TLE1: variants seen among roughly 807,000 people sequenced by gnomAD.
The protein encoded by TLE1 is transducin-like enhancer protein 1.
Under a neutral mutation model 89.8 loss-of-function variants are expected in TLE1, and 21 were observed. That is an observed-to-expected ratio of 0.23 (90% CI 0.17 to 0.34). The LOEUF is 0.34. Ranked by LOEUF, TLE1 falls within the 10% of genes least tolerant of loss-of-function variation. The pLI, the probability that TLE1 is intolerant of heterozygous loss-of-function variation, is 1.00. For missense variants in TLE1, 795 were observed against 1,031.2 expected (o/e 0.77, Z 3.14); for synonymous variants, 447 against 407.6 (o/e 1.10, Z -1.16).
chr9:81,586,987 A>G (rs1344237497), intron 17 of TLE1, among the ~76,000 whole-genome samples: 1 of 152,238 alleles, frequency 6.6e-6, no homozygotes, highest in African/African-American at 2.4e-5. Context: ...CCAAGTCATG[A>G]TCGAAAGAAC....
At chr9:81,604,455 G>A (rs774786665) in intron 14 of TLE1, among the ~76,000 whole-genome samples, 3 of 152,216 alleles carry the variant, frequency 2.0e-5, no homozygotes, top group African/African-American at 7.2e-5. Context: ...GCTGCCATGA[G>A]GATGATAGAT....
chr9:81,634,056 T>C, intron 7 of TLE1, 41 bp downstream of exon 7: 2 of 1,572,134 alleles, frequency 1.3e-6, no homozygotes, highest in Non-Finnish European at 1.7e-6. Flanking sequence ...ACTGTAAGAG[T>C]ATGAGGACAA....
chr9:81,653,367 A>G (rs1007230028), intron 5 of TLE1, among the ~76,000 whole-genome samples: 2 of 152,252 alleles, frequency 1.3e-5, no homozygotes, highest in African/African-American at 4.8e-5. Context: ...TTCAAGGCAA[A>G]GCTAAAATAC....
At chr9:81,602,519 A>G (rs1174216035) in intron 14 of TLE1, among the ~76,000 whole-genome samples, 1 of 152,224 alleles carries the variant, frequency 6.6e-6, no homozygotes, top group Non-Finnish European at 1.5e-5. Flanking sequence ...GGGATACCAA[A>G]TAAACTGTGT....
intron 6 of TLE1, among the ~76,000 whole-genome samples, chr9:81,641,732 A>ATTT (rs1796250078): frequency 6.6e-6 from 1 of 152,184 alleles, no homozygotes; most frequent in African/African-American, 2.4e-5. Flanking sequence ...ACAATGAAAT[A>ATTT]TCACCTCAGG....
intron 4 of TLE1, among the ~76,000 whole-genome samples, chr9:81,681,449 C>T (rs1456448226): frequency 6.6e-6 from 1 of 151,902 alleles, no homozygotes; most frequent in East Asian, 1.9e-4. Flanking sequence ...ACTGAGGAGG[C>T]TGAGGCAGGA....
chr9:81,668,083 T>C (rs1054986643), intron 4 of TLE1, among the ~76,000 whole-genome samples: 3 of 151,960 alleles, frequency 2.0e-5, no homozygotes, highest in African/African-American at 4.8e-5. Flanking sequence ...AAGAATTGCT[T>C]GAACCCAGGA....
At chr9:81,622,950 G>A (rs139863507) in intron 8 of TLE1, among the ~76,000 whole-genome samples, 105 of 152,236 alleles carry the variant, frequency 6.9e-4, no homozygotes, top group African/African-American at 2.3e-3. Flanking sequence ...AAAACAGACC[G>A]CTTCCTTTTA....
chr9:81,610,624 C>T (rs1317842186), intron 13 of TLE1, among the ~76,000 whole-genome samples: 1 of 152,126 alleles, frequency 6.6e-6, no homozygotes, highest in Admixed American at 6.6e-5. Flanking sequence ...AACCTCAGCA[C>T]TATTGACATT....
Position 81,633,375 on chromosome 9 carries a change from G to A in TLE1, c.578-11C>T, listed in dbSNP as rs545577411. ...TGCCCGGCTCTCTGTCTGCTCCCGA[G>A]GTTACCAAGAAACGCACAGACATGC... On this transcript the variant is annotated splice_polypyrimidine_tract_variant and intron_variant, in intron 7 of 19. Coordinates refer to ENST00000376499, the MANE Select transcript of TLE1 (RefSeq NM_005077.5). 6.2e-7 allele frequency: 1 copy of A among 1,613,270 alleles called. No homozygotes were observed. Among genetic ancestry groups the A allele is most frequent in the Non-Finnish European group, 8.5e-7 (1 of 1,179,900 alleles).
chr9:81,631,398 G>A (rs552430923), intron 8 of TLE1, among the ~76,000 whole-genome samples: 1 of 152,156 alleles, frequency 6.6e-6, no homozygotes, highest in Non-Finnish European at 1.5e-5. Context: ...TCACACCCCT[G>A]GCATTTCAGA....
chr9:81,671,881 A>G (rs961622319), intron 4 of TLE1, among the ~76,000 whole-genome samples: 2 of 152,182 alleles, frequency 1.3e-5, no homozygotes, highest in South Asian at 4.1e-4. Flanking sequence ...ATACATTTCA[A>G]TGGTCCAATT....
chr9:81,680,770 T>C (rs1213424439), intron 4 of TLE1, among the ~76,000 whole-genome samples: 6 of 152,134 alleles, frequency 3.9e-5, no homozygotes, highest in African/African-American at 2.4e-5. Flanking sequence ...ACTCCAATCT[T>C]GATGACAGCT....
In TLE1 at chr9:81,615,081, CAAAAAAAAAAAAAAAAAAA is replaced by C. The variant is rs34947337; in HGVS notation, c.918+882_918+900del. Among the ~76,000 whole-genome samples, 52 of 25,090 alleles carry C rather than the reference CAAAAAAAAAAAAAAAAAAA, an allele frequency of 2.1e-3. 1 individual carries two copies. In the South Asian group the frequency reaches 0.021, roughly 10 times the overall value. The allele number at this position is 25,090 out of a possible 152,430, so 16.5% of individuals were successfully genotyped here. A position where few individuals can be genotyped will look rare whatever the true frequency, so the allele number is the denominator to read the frequency against. ...TGGGTGACAGAGTGAGACTCCATCT[CAAAAAAAAAAAAAAAAAAA>C]AAAAAAAAAAAAAAAAAAAAAGAAG... On this transcript the variant is annotated intron_variant, in intron 11 of 19. Transcript: ENST00000376499.
chr9:81,612,432 T>C, intron 12 of TLE1: 1 of 902,056 alleles, frequency 1.1e-6, no homozygotes, highest in South Asian at 5.1e-5. Context: ...TTAGGAGGAA[T>C]ATTCTGTTGC....
intron 8 of TLE1, 77 bp from the exon 9 acceptor site, chr9:81,620,634 A>T: frequency 6.4e-7 from 1 of 1,551,396 alleles, no homozygotes; most frequent in Non-Finnish European, 8.7e-7. Context: ...CGATGTGAGA[A>T]CTATTTTTGA....
intron 8 of TLE1, among the ~76,000 whole-genome samples, chr9:81,623,528 C>G (rs1000005639): frequency 6.6e-6 from 1 of 151,496 alleles, no homozygotes; most frequent in Non-Finnish European, 1.5e-5. Context: ...CCTGTAATCC[C>G]AGCACTTAGG....
intron 4 of TLE1, among the ~76,000 whole-genome samples, chr9:81,654,403 C>G (rs372525045): frequency 6.6e-6 from 1 of 152,108 alleles, no homozygotes; most frequent in African/African-American, 2.4e-5. Flanking sequence ...TGCAGTGGCA[C>G]GATCTCGGCT....
chr9:81,655,642 T>C (rs1299229852), intron 4 of TLE1, among the ~76,000 whole-genome samples: 1 of 152,042 alleles, frequency 6.6e-6, no homozygotes, highest in African/African-American at 2.4e-5. Flanking sequence ...TTTCATCATT[T>C]TGTCAATGCT....
Sources: allele counts gnomAD v4.1 joint callset (sites outside exome capture counted in the v4.1 genomes callset), GRCh38; gene constraint gnomAD v4.1.1; transcripts MANE v1.5; gene names NCBI Gene and HGNC (gene_info 2026-07-23, HGNC 2026-07-21).